ZFP36L1: variants seen among roughly 807,000 people sequenced by gnomAD.
ZFP36L1 encodes mRNA decay activator protein ZFP36L1.
A neutral mutation model predicts 16.7 loss-of-function variants in ZFP36L1; 4 were observed. The observed-to-expected ratio is 0.24, with a 90% CI of 0.12 to 0.55. The LOEUF (loss-of-function observed/expected upper bound fraction) is 0.55. ZFP36L1 is among the 20% of genes least tolerant of loss of function. The probability of loss-of-function intolerance (pLI) is 0.94; values close to 1 mark genes in which losing one functional copy is unlikely to be tolerated. For synonymous variants in ZFP36L1, 220 were observed against 190.8 expected (o/e 1.15, Z -1.26); for missense variants, 311 against 449.2 (o/e 0.69, Z 2.78).
chr14:68,792,363 T>C (rs570861078), intron 1 of ZFP36L1, among the ~76,000 whole-genome samples: 1 of 152,264 alleles, frequency 6.6e-6, no homozygotes, highest in African/African-American at 2.4e-5. Flanking sequence ...GCAACATCTT[T>C]TTGAATCACA....
rs1894954623 is a variant in ZFP36L1 at position 68,787,866 on chromosome 14, T to C, written c.*1667A>G. On this transcript the variant is annotated 3_prime_UTR_variant, in exon 2 of 2. Transcript: ENST00000439696. ...ACATTGGAAAACTCCAGACCTGGAA[T>C]CCAGAACCTCAAATCTGTGAGTGGA... 6.6e-6 allele frequency: 1 copy of C among 152,614 alleles called. No homozygotes were observed. The highest frequency in any genetic ancestry group is 1.5e-5 in the Non-Finnish European group (1 of 68,024). The allele number at this position is 152,614 out of a possible 1,614,324, so 9.5% of individuals were successfully genotyped here. A position where few individuals can be genotyped will look rare whatever the true frequency, so the allele number is the denominator to read the frequency against.
chr14:68,792,748 A>G (rs1895130893), intron 1 of ZFP36L1, 134 bp downstream of exon 1: 1 of 1,297,266 alleles, frequency 7.7e-7, no homozygotes, highest in Non-Finnish European at 1.1e-6. Flanking sequence ...ACTTGGGAGA[A>G]ATGCCGGAGG....
At chr14:68,791,124 AAAAT>A (rs1296059228) in intron 1 of ZFP36L1, 1 of 693,412 alleles carries the variant, frequency 1.4e-6, no homozygotes, top group African/African-American at 1.8e-5. Context: ...GTGATTCCTG[AAAAT>A]AAAACTCTTT....
intron 1 of ZFP36L1, among the ~76,000 whole-genome samples, chr14:68,792,520 A>G: frequency 6.6e-6 from 1 of 152,292 alleles, no homozygotes; most frequent in African/African-American, 2.4e-5. Context: ...GCAGACTGGG[A>G]ACCCGATCAG....
Position 68,790,307 on chromosome 14 carries a change from C to T in ZFP36L1, c.243G>A (p.Ser81=). 1 of 1,609,808 alleles carries T rather than the reference C, an allele frequency of 6.2e-7. No individual in the cohort carries two copies. Residue 81 remains serine (S), a synonymous_variant, in exon 2 of 2, where the codon TCG becomes TCA. Transcript: ENST00000439696. ...AGCGGTCTCGGAAGCGGCTGTCTCG[C>T]GAGCTCAGAGCGGGGGCTGGCTCAC... The part of the protein sequence containing the change: ...LKGEPAPALS[S]RDSRFRDRSF...
rs940264652 is a variant in ZFP36L1, at chr14:68,789,239, G to A, written c.*294C>T. 5 of 380,836 alleles carry A rather than the reference G, an allele frequency of 1.3e-5. No homozygotes were observed. Among genetic ancestry groups the A allele is most frequent in the Non-Finnish European group, 2.4e-5 (5 of 209,226 alleles). The allele number at this position is 380,836 out of a possible 1,614,324, so 23.6% of individuals were successfully genotyped here. ...TTAAGGCTTAAGCCGGAAAAAAAAAGGCATCTACTGACAAAATATGGGACT... is the reference window on the plus strand; with the variant it reads ...TTAAGGCTTAAGCCGGAAAAAAAAAAGCATCTACTGACAAAATATGGGACT... On this transcript the variant is annotated 3_prime_UTR_variant, in exon 2 of 2. Coordinates refer to ENST00000439696, the MANE Select transcript of ZFP36L1 (RefSeq NM_004926.4). The surrounding 1 kb of genome is among the most constrained non-coding windows in gnomAD (Gnocchi z 4.5).
chr14:68,795,840 G>C, upstream of ZFP36L1: 1 of 543,542 alleles, frequency 1.8e-6, no homozygotes, highest in Admixed American at 1.9e-5. Context: ...AGGAGGGAGC[G>C]AGTCCCTTAA....
upstream of ZFP36L1, among the ~76,000 whole-genome samples, chr14:68,795,381 G>A (rs1403570639): frequency 6.6e-6 from 1 of 151,672 alleles, no homozygotes; most frequent in Non-Finnish European, 1.5e-5. Context: ...CTCAGCTGGG[G>A]GGACCGGAGG....
intron 1 of ZFP36L1, among the ~76,000 whole-genome samples, chr14:68,792,141 A>T (rs1594717785): frequency 6.6e-6 from 1 of 151,298 alleles, no homozygotes; most frequent in Admixed American, 6.6e-5. Flanking sequence ...TTAAATCCTT[A>T]CTCGCGGGAC....
chr14:68,790,100 G>A lies in ZFP36L1; in HGVS notation c.450C>T (p.His150=), dbSNP rs764990481. Residue 150 remains histidine, a synonymous_variant, in exon 2 of 2, where the codon CAC becomes CAT. Coordinates refer to ENST00000439696, the MANE Select transcript of ZFP36L1 (RefSeq NM_004926.4). ...GIHELRSLTR[H]PKYKTELCRT... ...GGCACAGCTCCGTCTTGTACTTGGG[G>A]TGGCGGGTCAGGCTGCGGAGCTCGT... 9.3e-6 allele frequency: 15 copies of A among 1,611,386 alleles called. No homozygotes were observed. In the Admixed American group the frequency reaches 2.5e-4, roughly 27 times the overall value.
chr14:68,795,835 G>A (rs1245091377), upstream of ZFP36L1: 3 of 541,206 alleles, frequency 5.5e-6, no homozygotes, highest in Non-Finnish European at 1.1e-5. Flanking sequence ...CCGAGAGGAG[G>A]GAGCGAGTCC....
At chr14:68,795,739 C>A, upstream of ZFP36L1, 1 of 525,416 alleles carries the variant, frequency 1.9e-6, no homozygotes, top group South Asian at 1.4e-5. Context: ...TTTGTTCCAG[C>A]TCCCAGAGCC....
Position 68,790,043 on chromosome 14 carries a change from G to A in ZFP36L1, c.507C>T (p.Tyr169=), listed in dbSNP as rs760239208. Residue 169 remains tyrosine, a synonymous_variant, in exon 2 of 2, where the codon TAC becomes TAT. Coordinates refer to ENST00000439696, the MANE Select transcript of ZFP36L1 (RefSeq NM_004926.4). ...RTFHTIGFCP[Y]GPRCHFIHNA... ...TGTGGATGAAGTGGCAGCGGGGCCC[G>A]TAGGGGCAAAAGCCGATGGTGTGGA... 8 of 1,610,116 alleles carry A rather than the reference G, an allele frequency of 5.0e-6. No individual in the cohort carries two copies. The highest frequency in any genetic ancestry group is 4.5e-5 in the East Asian group (2 of 44,868).
In ZFP36L1 at chr14:68,788,173, A is replaced by C. The variant is rs1894963461; in HGVS notation, c.*1360T>G. On this transcript the variant is annotated 3_prime_UTR_variant, in exon 2 of 2. Transcript: ENST00000439696. ...AATAACCAAAAAAGTGTAAAGTTAC[A>C]AAAAATGTCGTTGAAGAATAATATA... The C allele has an allele frequency of 6.6e-6, 1 of 152,262 alleles. No individual in the cohort carries two copies. Among genetic ancestry groups the C allele is most frequent in the African/African-American group, 2.4e-5 (1 of 41,558 alleles). 9.4% of individuals were successfully genotyped at this position (152,262 alleles called of 1,614,324 possible).
chr14:68,791,721 ATGT>A (rs1419365537), intron 1 of ZFP36L1, among the ~76,000 whole-genome samples: 1 of 152,012 alleles, frequency 6.6e-6, no homozygotes, highest in African/African-American at 2.4e-5. Context: ...GAAGGAAGAA[ATGT>A]TGGGGAGCGC....
chr14:68,794,543 C>G (rs996718180), upstream of ZFP36L1: 5 of 152,314 alleles, frequency 3.3e-5, no homozygotes, highest in Non-Finnish European at 7.3e-5. Flanking sequence ...CACGCGGGCT[C>G]CGCCGCCCCC....
At chr14:68,792,782 C>T (rs1895133392) in intron 1 of ZFP36L1, 100 bp downstream of exon 1, 2 of 1,494,568 alleles carry the variant, frequency 1.3e-6, no homozygotes, top group East Asian at 2.3e-5. Context: ...CTCGCTGCAC[C>T]ACTTTCCCCA....
chr14:68,791,478 G>C (rs1205536820), intron 1 of ZFP36L1, among the ~76,000 whole-genome samples: 1 of 152,058 alleles, frequency 6.6e-6, no homozygotes, highest in African/African-American at 2.4e-5. Context: ...TGCAGGTCAG[G>C]GACCTAGGAG....
chr14:68,790,383 G>T lies in ZFP36L1; in HGVS notation c.167C>A (p.Thr56Asn), dbSNP rs1382642339. 2 of 1,613,632 alleles carry T rather than the reference G, an allele frequency of 1.2e-6. No individual in the cohort carries two copies. Among genetic ancestry groups the T allele is most frequent in the African/African-American group, 2.7e-5 (2 of 74,928 alleles). The change falls in exon 2 of 2, where the codon ACC becomes AAC. Residue 56 changes from threonine (T) to asparagine (N), a missense_variant. Coordinates refer to ENST00000439696, the MANE Select transcript of ZFP36L1 (RefSeq NM_004926.4). ...GGGFPRRHSV[T>N]LPSSKFHQNQ... Reference sequence around the variant, plus strand: ...CTGGTGGAACTTGGAGCTGGGCAGGGTGACTGAGTGCCTCCGAGGGAAGCC... The same window carrying T: ...CTGGTGGAACTTGGAGCTGGGCAGGTTGACTGAGTGCCTCCGAGGGAAGCC...
Sources: allele counts gnomAD v4.1 joint callset (sites outside exome capture counted in the v4.1 genomes callset), GRCh38; gene constraint gnomAD v4.1.1; non-coding constraint Gnocchi (gnomAD v3.1); transcripts MANE v1.5; gene names NCBI Gene and HGNC (gene_info 2026-07-23, HGNC 2026-07-21).